The following DNAH11 variants were observed in gnomAD, a reference collection of about 807,000 sequenced individuals.
The protein encoded by DNAH11 is axonemal beta dynein heavy chain 11.
In DNAH11, 442 loss-of-function variants were observed where a neutral mutation model predicts 526.0. The observed-to-expected ratio is 0.84, with a 90% confidence interval of 0.78 to 0.91. The LOEUF (loss-of-function observed/expected upper bound fraction) is 0.91, where lower values mean the gene tolerates loss of function less well. Among genes scored for constraint, DNAH11 ranks in the 40% least tolerant of loss-of-function variants. The pLI, the probability that DNAH11 is intolerant of heterozygous loss-of-function variation, is 0.00. For missense variants in DNAH11, 6,989 were observed against 5,448.7 expected, an observed-to-expected ratio of 1.28 and a Z score of -8.90; for synonymous variants, 2,461 against 1,935.9, an observed-to-expected ratio of 1.27 and a Z score of -7.12.
At chr7:21,566,050 C>T (rs2128434223) in intron 6 of DNAH11, among the ~76,000 whole-genome samples, 1 of 152,284 alleles carries the variant, frequency 6.6e-6, no homozygotes, top group African/African-American at 2.4e-5. Context: ...ACTACGACCA[C>T]CACTTCCCCC....
chr7:21,544,655 AT>A (rs1273306317), intron 1 of DNAH11, among the ~76,000 whole-genome samples: 1 of 143,232 alleles, frequency 7.0e-6, no homozygotes, highest in Non-Finnish European at 1.5e-5. Flanking sequence ...AGAGAAGAGT[AT>A]AAAAAATAAC....
At chr7:21,693,360 G>A (rs1178555387) in intron 35 of DNAH11, among the ~76,000 whole-genome samples, 1 of 152,114 alleles carries the variant, frequency 6.6e-6, no homozygotes, top group Non-Finnish European at 1.5e-5. Flanking sequence ...AGGTACTGCT[G>A]GATTCAATAT....
At chr7:21,705,822 A>T (rs1025883462) in intron 39 of DNAH11, among the ~76,000 whole-genome samples, 14 of 152,238 alleles carry the variant, frequency 9.2e-5, no homozygotes, top group Admixed American at 7.2e-4. Flanking sequence ...TCAGTATCAG[A>T]TGCAGGCATT....
chr7:21,763,987 C>T (rs1287788639), intron 54 of DNAH11, among the ~76,000 whole-genome samples: 1 of 151,854 alleles, frequency 6.6e-6, no homozygotes, highest in African/African-American at 2.4e-5. Flanking sequence ...TGAGAGTAGT[C>T]AAACTCCTAG....
chr7:21,881,593 T>A (rs992474275), intron 75 of DNAH11, among the ~76,000 whole-genome samples: 1 of 152,364 alleles, frequency 6.6e-6, no homozygotes, highest in Admixed American at 6.5e-5. Flanking sequence ...CAAGGGAAAC[T>A]TTTTTCATTA....
At chr7:21,639,684 C>T (rs1289373745) in intron 28 of DNAH11, among the ~76,000 whole-genome samples, 1 of 152,166 alleles carries the variant, frequency 6.6e-6, no homozygotes, top group African/African-American at 2.4e-5. Context: ...GTACAAATTC[C>T]AAAGCACTCC....
At chr7:21,756,854 A>T (rs745363168) in intron 54 of DNAH11, among the ~76,000 whole-genome samples, 1 of 152,224 alleles carries the variant, frequency 6.6e-6, no homozygotes, top group African/African-American at 2.4e-5. Context: ...ATAATAATTG[A>T]CCTCTTCCGG....
chr7:21,840,973 G>A (rs1018243017), intron 65 of DNAH11, among the ~76,000 whole-genome samples: 5 of 152,308 alleles, frequency 3.3e-5, no homozygotes, highest in Middle Eastern at 3.4e-3. Flanking sequence ...CCTGAGGTCA[G>A]TAGTTGGAGA....
Position 21,690,817 on chromosome 7 carries a change from A to G in DNAH11, c.5977A>G (p.Ile1993Val). 6.2e-7 allele frequency: 1 copy of G among 1,612,190 alleles called. No homozygotes were observed. The change falls in exon 35 of 82, where the codon ATT (isoleucine) becomes GTT (valine). Residue 1993 changes from isoleucine to valine, a missense_variant. Coordinates refer to ENST00000409508, the MANE Select transcript of DNAH11 (RefSeq NM_001277115.2). The part of the protein sequence containing the change: ...ITLKPSVGIF[I>V]TMNPGYAGRT... ...ACTGAAGCCATCAGTTGGAATATTT[A>G]TTACTATGAACCCGGGTTATGCTGG...
At chr7:21,650,245 A>C (rs1375121239) in intron 28 of DNAH11, among the ~76,000 whole-genome samples, 1 of 152,226 alleles carries the variant, frequency 6.6e-6, no homozygotes, top group Non-Finnish European at 1.5e-5. Flanking sequence ...TGAGAAATCA[A>C]ATTACAAAAT....
chr7:21,765,156 C>T (rs1333610047), intron 54 of DNAH11, among the ~76,000 whole-genome samples: 2 of 151,980 alleles, frequency 1.3e-5, no homozygotes, highest in Non-Finnish European at 1.5e-5. Flanking sequence ...AAATTTTCCC[C>T]TATTAATGAT....
chr7:21,848,989 A>C (rs1782524139), intron 66 of DNAH11, among the ~76,000 whole-genome samples: 1 of 152,070 alleles, frequency 6.6e-6, no homozygotes, highest in Non-Finnish European at 1.5e-5. Flanking sequence ...TGGTTCAAAC[A>C]ATTCTCCTGC....
At chr7:21,674,012 T>A (rs1782751390) in intron 30 of DNAH11, among the ~76,000 whole-genome samples, 1 of 148,864 alleles carries the variant, frequency 6.7e-6, no homozygotes, top group Admixed American at 6.9e-5. Flanking sequence ...TCCTTATGGC[T>A]CTATTCTGTT....
At chr7:21,582,108 G>A in intron 9 of DNAH11, 87 bp downstream of exon 9, 1 of 833,300 alleles carries the variant, frequency 1.2e-6, no homozygotes, top group East Asian at 2.5e-5. Flanking sequence ...CATTCAGGTA[G>A]AGTATTCACT....
chr7:21,751,320 T>A (rs1271110658), intron 54 of DNAH11, among the ~76,000 whole-genome samples: 1 of 152,154 alleles, frequency 6.6e-6, no homozygotes, highest in Non-Finnish European at 1.5e-5. Context: ...TGACACTCTG[T>A]CTCAAAAAAC....
rs758606052 is a variant in DNAH11 at position 21,868,005 on chromosome 7, T to C, written c.11837T>C (p.Leu3946Pro). 1 of 1,531,766 alleles carries C rather than the reference T, an allele frequency of 6.5e-7. No homozygotes were observed. Among genetic ancestry groups the C allele is most frequent in the South Asian group, 1.3e-5 (1 of 79,160 alleles). The allele number at this position is 1,531,766 out of a possible 1,614,324, so 94.9% of individuals were successfully genotyped here. Residue 3946 changes from leucine to proline, a missense_variant and splice_region_variant, in exon 72 of 82, where the codon CTT (leucine) becomes CCT (proline). Leu to Pro is a moderately conservative substitution (Grantham distance 98). Coordinates refer to ENST00000409508, the MANE Select transcript of DNAH11 (RefSeq NM_001277115.2). ...GVDALKDLEI[L>P]GKRLGFTIDS... ...GATGCCCTTAAAGACCTGGAGATTC[T>C]TGGTGAGTGGCTGGGAGGCTCGCTG...
chr7:21,681,759 C>A, intron 31 of DNAH11, 82 bp downstream of exon 31: 1 of 1,557,646 alleles, frequency 6.4e-7, no homozygotes, highest in South Asian at 1.1e-5. Flanking sequence ...CCAAGAAAGT[C>A]GTTGTTTTTT....
At chr7:21,560,970 C>G in intron 4 of DNAH11, 101 bp from the exon 5 acceptor site, 1 of 826,788 alleles carries the variant, frequency 1.2e-6, no homozygotes, top group African/African-American at 1.7e-5. Flanking sequence ...TACTGTATCA[C>G]TTGTGAGTGA....
In DNAH11 at chr7:21,807,939, T is replaced by C. The variant is rs1452154248; in HGVS notation, c.10222T>C (p.Cys3408Arg). The C allele has an allele frequency of 2.5e-6, 4 of 1,610,002 alleles. No homozygotes were observed. Among genetic ancestry groups the C allele is most frequent in the Non-Finnish European group, 2.5e-6 (3 of 1,177,194 alleles). Reference sequence around the variant, plus strand: ...CTTTGAAGCTCAAGAGAAGACACTCTGTGGAGATGTTCTTCTCACGGCGGC... The same window carrying C: ...CTTTGAAGCTCAAGAGAAGACACTCCGTGGAGATGTTCTTCTCACGGCGGC... ...KSFEAQEKTL[C>R]GDVLLTAAFV... Residue 3408 changes from cysteine (C) to arginine (R), a missense_variant, in exon 63 of 82, where the codon TGT (cysteine) becomes CGT (arginine). Cys to Arg is a radical substitution (Grantham distance 180, BLOSUM62 -3). Coordinates refer to ENST00000409508, the MANE Select transcript of DNAH11 (RefSeq NM_001277115.2).
Sources: gnomAD v4.1 joint callset for allele counts (sites outside exome capture counted in the v4.1 genomes callset) on GRCh38, gnomAD v4.1.1 for gene constraint, MANE v1.5 for transcripts, NCBI Gene and HGNC (gene_info 2026-07-23, HGNC 2026-07-21) for gene names.